PTPRD: variants seen among roughly 807,000 people sequenced by gnomAD.
PTPRD encodes the protein protein tyrosine phosphatase receptor type D.
A neutral mutation model predicts 214.5 loss-of-function variants in PTPRD; 34 were observed. That is an observed-to-expected ratio of 0.16 (90% confidence interval 0.12 to 0.21). PTPRD has a LOEUF of 0.21. PTPRD is among the 10% of genes least tolerant of loss of function. The pLI, the probability that PTPRD is intolerant of heterozygous loss-of-function variation, is 1.00. For synonymous variants in PTPRD, 1,128 were observed against 845.7 expected (o/e 1.33, Z -5.79); for missense variants, 2,545 against 2,398.7 (o/e 1.06, Z -1.27).
At chr9:8,955,719 C>A (rs548397962) in intron 11 of PTPRD, among the ~76,000 whole-genome samples, 2 of 151,664 alleles carry the variant, frequency 1.3e-5, no homozygotes, top group Non-Finnish European at 2.9e-5. Flanking sequence ...TTTGAAACAT[C>A]GGAATTTGAA....
chr9:8,371,139 T>C (rs1410158378), intron 39 of PTPRD, among the ~76,000 whole-genome samples: 1 of 151,810 alleles, frequency 6.6e-6, no homozygotes, highest in Non-Finnish European at 1.5e-5. Flanking sequence ...TGTAGAGTGG[T>C]AGAAAAAGGA....
intron 3 of PTPRD, among the ~76,000 whole-genome samples, chr9:10,333,279 C>G (rs1317911422): frequency 6.6e-6 from 1 of 151,704 alleles, no homozygotes; most frequent in African/African-American, 2.4e-5. Flanking sequence ...TGAAGTCACC[C>G]AGGAACAACC....
At chr9:9,946,882 T>G (rs561962884) in intron 4 of PTPRD, among the ~76,000 whole-genome samples, 3 of 152,212 alleles carry the variant, frequency 2.0e-5, no homozygotes, top group Non-Finnish European at 4.4e-5. Flanking sequence ...CAATATTATG[T>G]GAAGCAGAAC....
chr9:10,132,917 T>A (rs1051737972), intron 3 of PTPRD, among the ~76,000 whole-genome samples: 1 of 151,164 alleles, frequency 6.6e-6, no homozygotes, highest in South Asian at 2.1e-4. Flanking sequence ...GTATGGCCAA[T>A]AGGATACAAC....
chr9:10,302,437 G>A lies in PTPRD; in HGVS notation c.-545+38526C>T, dbSNP rs116887608. The stretch of plus-strand genomic sequence containing the variant: ...AACAATATTAACCGTAAATGTAAAT[G>A]GGCTATGCCCCAATTTAAAGACACA... On this transcript the variant is annotated intron_variant, in intron 3 of 45. Coordinates refer to ENST00000381196, the MANE Select transcript of PTPRD (RefSeq NM_002839.4). Among the ~76,000 whole-genome samples, 23 of 152,190 alleles carry A rather than the reference G, an allele frequency of 1.5e-4. 1 individual carries two copies. In the East Asian group the frequency reaches 4.3e-3, roughly 28 times the overall value.
intron 3 of PTPRD, among the ~76,000 whole-genome samples, chr9:10,042,813 G>C (rs1033397905): frequency 6.6e-6 from 1 of 151,742 alleles, no homozygotes; most frequent in African/African-American, 2.4e-5. Flanking sequence ...TAATTATCCA[G>C]AATTTTAAAA....
intron 3 of PTPRD, among the ~76,000 whole-genome samples, chr9:10,068,842 C>T (rs1237090230): frequency 6.6e-6 from 1 of 151,820 alleles, no homozygotes; most frequent in Non-Finnish European, 1.5e-5. Flanking sequence ...CACATGTTGT[C>T]TTTGTATTTT....
intron 12 of PTPRD, among the ~76,000 whole-genome samples, chr9:8,640,006 C>T (rs1035629179): frequency 2.6e-5 from 4 of 152,160 alleles, no homozygotes; most frequent in South Asian, 4.1e-4. Context: ...TCAAAGCTAA[C>T]TGCAGCCTCA....
chr9:10,363,982 C>A (rs2097449886), intron 2 of PTPRD, among the ~76,000 whole-genome samples: 1 of 91,984 alleles, frequency 1.1e-5, no homozygotes. Context: ...ATTGCCTCCA[C>A]ATTTTCGGGT....
intron 3 of PTPRD, among the ~76,000 whole-genome samples, chr9:10,082,278 A>G (rs1236170315): frequency 1.3e-5 from 2 of 152,122 alleles, no homozygotes; most frequent in African/African-American, 4.8e-5. Context: ...ATTATCTCTC[A>G]TCACCTTTTT....
intron 2 of PTPRD, among the ~76,000 whole-genome samples, chr9:10,498,171 G>C (rs1436615193): frequency 6.6e-6 from 1 of 151,886 alleles, no homozygotes. Context: ...TGAGTAGCAA[G>C]ACATGACATG....
At chr9:10,387,651 A>G (rs1210801129) in intron 2 of PTPRD, among the ~76,000 whole-genome samples, 1 of 151,784 alleles carries the variant, frequency 6.6e-6, no homozygotes, top group Admixed American at 6.6e-5. Flanking sequence ...ACTTTGTGTC[A>G]TTGTACAATT....
At chr9:9,318,867 C>G (rs1365558340) in intron 9 of PTPRD, among the ~76,000 whole-genome samples, 1 of 152,164 alleles carries the variant, frequency 6.6e-6, no homozygotes, top group African/African-American at 2.4e-5. Context: ...GATAAACTCT[C>G]TGCTCTTCAT....
At chr9:9,583,432 T>C (rs1440250134) in intron 7 of PTPRD, among the ~76,000 whole-genome samples, 4 of 152,060 alleles carry the variant, frequency 2.6e-5, no homozygotes, top group African/African-American at 9.7e-5. Context: ...AATCTATAAA[T>C]GGGTGCATTC....
At chr9:9,828,519 G>A (rs1380550374) in intron 5 of PTPRD, among the ~76,000 whole-genome samples, 1 of 152,084 alleles carries the variant, frequency 6.6e-6, no homozygotes, top group Non-Finnish European at 1.5e-5. Flanking sequence ...GGGGAGAGGG[G>A]AGGGATAGCA....
At chr9:8,412,317 T>C (rs922064004) in intron 35 of PTPRD, among the ~76,000 whole-genome samples, 1 of 152,162 alleles carries the variant, frequency 6.6e-6, no homozygotes, top group Non-Finnish European at 1.5e-5. Context: ...AGAATATTAT[T>C]GAGTATAGGT....
intron 7 of PTPRD, among the ~76,000 whole-genome samples, chr9:9,692,082 C>T (rs1421234673): frequency 4.2e-5 from 6 of 142,412 alleles, no homozygotes; most frequent in African/African-American, 1.0e-4. Context: ...GTTGTCTCTT[C>T]GCTTTATTGA....
At chr9:9,973,436 C>T (rs920169235) in intron 4 of PTPRD, among the ~76,000 whole-genome samples, 5 of 151,828 alleles carry the variant, frequency 3.3e-5, no homozygotes, top group African/African-American at 4.8e-5. Context: ...CATGCCATTG[C>T]CTTGCACCCT....
chr9:10,581,303 A>G (rs942434884), intron 2 of PTPRD, among the ~76,000 whole-genome samples: 3 of 152,172 alleles, frequency 2.0e-5, no homozygotes, highest in African/African-American at 7.2e-5. Context: ...TTATATTCCA[A>G]ATTCTAAAGA....
Sources: gnomAD v4.1 joint callset for allele counts (sites outside exome capture counted in the v4.1 genomes callset) on GRCh38, gnomAD v4.1.1 for gene constraint, MANE v1.5 for transcripts, NCBI Gene and HGNC (gene_info 2026-07-23, HGNC 2026-07-21) for gene names.